HIPK2: variants seen among roughly 807,000 people sequenced by gnomAD.
The protein encoded by HIPK2 is homeodomain interacting protein kinase 2.
A neutral mutation model predicts 113.7 loss-of-function variants in HIPK2; 27 were observed. That is an observed-to-expected ratio of 0.24 (90% CI 0.17 to 0.33). The LOEUF is 0.33. Ranked by LOEUF, HIPK2 falls within the 10% of genes least tolerant of loss-of-function variation. The pLI is 1.00. For missense variants in HIPK2, 1,257 were observed against 1,588.0 expected (o/e 0.79, Z 3.54); for synonymous variants, 631 against 642.2 (o/e 0.98, Z 0.26).
rs147259916 is a variant in HIPK2, at chr7:139,746,344, C to G, written c.20-29329G>C. ...AAACCCCAGATCAAATGATGCATCC[C>G]TTGTCACTGGGGACCTCAGGGTTTT... On this transcript the variant is annotated intron_variant, in intron 1 of 14. Coordinates refer to ENST00000406875, the MANE Select transcript of HIPK2 (RefSeq NM_022740.5). 6.0e-3 allele frequency among the ~76,000 whole-genome samples: 913 copies of G among 152,272 alleles called. 11 individuals carry two copies. The highest frequency in any genetic ancestry group is 0.02 in the African/African-American group (817 of 41,542).
chr7:139,646,487 A>G (rs556339547), intron 2 of HIPK2, among the ~76,000 whole-genome samples: 15 of 146,330 alleles, frequency 1.0e-4, no homozygotes, highest in African/African-American at 3.8e-4. Context: ...GTGACAGAGT[A>G]AGACCTTGTC....
At chr7:139,728,955 C>T (rs1795677138) in intron 1 of HIPK2, among the ~76,000 whole-genome samples, 1 of 152,150 alleles carries the variant, frequency 6.6e-6, no homozygotes. Flanking sequence ...GTTGATGTTA[C>T]AACGCTTCTG....
At chr7:139,713,198 G>C (rs190911316) in intron 2 of HIPK2, among the ~76,000 whole-genome samples, 1 of 152,118 alleles carries the variant, frequency 6.6e-6, no homozygotes, top group Non-Finnish European at 1.5e-5. Flanking sequence ...CCCAGGAACC[G>C]CCAGCAAACC....
At chr7:139,651,783 A>T (rs2116473917) in intron 2 of HIPK2, among the ~76,000 whole-genome samples, 1 of 152,364 alleles carries the variant, frequency 6.6e-6, no homozygotes, top group African/African-American at 2.4e-5. Context: ...ACTTACAAGG[A>T]ATGTAAAATG....
At chr7:139,777,398 C>T (rs1043085127) in intron 1 of HIPK2, among the ~76,000 whole-genome samples, 2 of 151,908 alleles carry the variant, frequency 1.3e-5, no homozygotes, top group African/African-American at 4.8e-5. Flanking sequence ...CGCCCCCGGC[C>T]CCTCTCCCCG....
At chr7:139,611,699 G>A (rs1366380536) in intron 9 of HIPK2, among the ~76,000 whole-genome samples, 1 of 152,012 alleles carries the variant, frequency 6.6e-6, no homozygotes, top group African/African-American at 2.4e-5. Context: ...GTGCCACCAT[G>A]CCCAGCTAAT....
chr7:139,719,226 C>T (rs1795336486), intron 1 of HIPK2, among the ~76,000 whole-genome samples: 1 of 152,078 alleles, frequency 6.6e-6, no homozygotes, highest in Non-Finnish European at 1.5e-5. Context: ...GCAACCTCCG[C>T]CTCCTGAGTA....
At chr7:139,577,002 G>T (rs1235436921) in intron 13 of HIPK2, among the ~76,000 whole-genome samples, 8 of 152,194 alleles carry the variant, frequency 5.3e-5, no homozygotes, top group African/African-American at 1.9e-4. Context: ...ACACAGTGCA[G>T]TATTAATACA....
intron 10 of HIPK2, among the ~76,000 whole-genome samples, chr7:139,603,203 C>G (rs75306275): frequency 4.2e-4 from 64 of 152,102 alleles, no homozygotes; most frequent in African/African-American, 1.4e-3. Flanking sequence ...TGGGAGGTTC[C>G]CTGTGTGATA....
At position 139,777,710 on chromosome 7, in the gene HIPK2, C is replaced by A; in HGVS notation, c.-87G>T. 2 of 1,033,408 alleles carry A rather than the reference C, an allele frequency of 1.9e-6. No individual in the cohort carries two copies. The highest frequency in any genetic ancestry group is 1.2e-6 in the Non-Finnish European group (1 of 859,312). The allele number at this position is 1,033,408 out of a possible 1,614,324, so 64.0% of individuals were successfully genotyped here. A position where few individuals can be genotyped will look rare whatever the true frequency, so the allele number is the denominator to read the frequency against. On this transcript the variant is annotated 5_prime_UTR_variant, in exon 1 of 15. It removes an upstream start codon present in the reference 5' UTR. Coordinates refer to ENST00000406875, the MANE Select transcript of HIPK2 (RefSeq NM_022740.5). ...CCCCCCAGCCTCAGTCGGAATCTGC[C>A]ATCTTGAGCCTGTGTCTCCGCTCTC...
chr7:139,770,835 G>A (rs1174300732), intron 1 of HIPK2, among the ~76,000 whole-genome samples: 2 of 152,202 alleles, frequency 1.3e-5, no homozygotes, highest in African/African-American at 2.4e-5. Context: ...TGTTAAAACA[G>A]ACTACTGTCA....
rs1017565015 is a variant in HIPK2 at position 139,631,321 on chromosome 7, C to T, written c.1228-37G>A. The T allele has an allele frequency of 1.3e-6, 2 of 1,581,282 alleles. No individual in the cohort carries two copies. Among genetic ancestry groups the T allele is most frequent in the Non-Finnish European group, 1.7e-6 (2 of 1,162,510 alleles). On this transcript the variant is annotated intron_variant, in intron 3 of 14. Coordinates refer to ENST00000406875, the MANE Select transcript of HIPK2 (RefSeq NM_022740.5). The surrounding 1 kb of genome is among the most constrained non-coding windows in gnomAD (Gnocchi z 4.9). ...GATAAGAATGAGGTCAGGGCTTTTC[C>T]TGTCACTATACATATGGTATACTAA...
In HIPK2 at chr7:139,563,125, T is replaced by TGGGGC. The variant is rs1797994941; in HGVS notation, c.*9797_*9801dup. ...CGCTGACGGGAACATCTGCTTGGGGTGGGGCGGGGCGGGGGTGTGCTCTCT... is the reference window on the plus strand; with the variant it reads ...CGCTGACGGGAACATCTGCTTGGGGTGGGGCGGGGCGGGGCGGGGGTGTGCTCTCT... On this transcript the variant is annotated 3_prime_UTR_variant, in exon 15 of 15. Coordinates refer to ENST00000406875, the MANE Select transcript of HIPK2 (RefSeq NM_022740.5). The TGGGGC allele has an allele frequency of 1.1e-5, 1 of 89,554 alleles. No homozygotes were observed. Among genetic ancestry groups the TGGGGC allele is most frequent in the African/African-American group, 4.4e-5 (1 of 22,788 alleles). The allele number at this position is 89,554 out of a possible 1,614,324, so 5.5% of individuals were successfully genotyped here.
chr7:139,761,823 T>A (rs951068157), intron 1 of HIPK2, among the ~76,000 whole-genome samples: 2 of 151,982 alleles, frequency 1.3e-5, no homozygotes, highest in African/African-American at 4.8e-5. Flanking sequence ...GAGACTGTCA[T>A]CCAAAAAAAT....
At position 139,648,484 on chromosome 7, in the gene HIPK2, TACA is replaced by T. The variant is rs546313487; in HGVS notation, c.1104-16762_1104-16760del. Among the ~76,000 whole-genome samples, 227 of 152,260 alleles carry T rather than the reference TACA, an allele frequency of 1.5e-3. 1 individual carries two copies. The highest frequency in any genetic ancestry group is 2.6e-3 in the Non-Finnish European group (174 of 68,018). On this transcript the variant is annotated intron_variant, in intron 2 of 14. Coordinates refer to ENST00000406875, the MANE Select transcript of HIPK2 (RefSeq NM_022740.5). ...GGAAACGACGTTGCGGCTTTCGGGT[TACA>T]CAGTGGAAAGGCTGATGAAGGGAAT...
At chr7:139,594,475 C>CA (rs1412138773) in intron 12 of HIPK2, among the ~76,000 whole-genome samples, 1 of 151,942 alleles carries the variant, frequency 6.6e-6, no homozygotes, top group Admixed American at 6.6e-5. Flanking sequence ...TTTCTGATCC[C>CA]AAAATGTAGT....
chr7:139,744,348 A>G (rs1462851768), intron 1 of HIPK2, among the ~76,000 whole-genome samples: 3 of 152,246 alleles, frequency 2.0e-5, no homozygotes, highest in Non-Finnish European at 4.4e-5. Context: ...TTCCATTTCA[A>G]TGAAATGTCC....
At chr7:139,737,240 G>A (rs1358858568) in intron 1 of HIPK2, among the ~76,000 whole-genome samples, 2 of 152,176 alleles carry the variant, frequency 1.3e-5, no homozygotes, top group South Asian at 2.1e-4. Context: ...GTGGGAGGAC[G>A]TATGAGGATA....
intron 7 of HIPK2, among the ~76,000 whole-genome samples, chr7:139,615,446 T>C (rs1386219196): frequency 1.3e-5 from 2 of 152,242 alleles, no homozygotes; most frequent in African/African-American, 4.8e-5. Flanking sequence ...TTATGTCCTC[T>C]TGCCTTTCTT....
Sources: allele counts gnomAD v4.1 joint callset (sites outside exome capture counted in the v4.1 genomes callset), GRCh38; gene constraint gnomAD v4.1.1; non-coding constraint Gnocchi (gnomAD v3.1); transcripts MANE v1.5; gene names NCBI Gene and HGNC (gene_info 2026-07-23, HGNC 2026-07-21).